ACTN2: variants seen among roughly 807,000 people sequenced by gnomAD.
ACTN2 encodes the protein actinin alpha 2, also known as alpha-actinin-2.
A neutral mutation model predicts 113.8 loss-of-function variants in ACTN2; 39 were observed. That is an observed-to-expected ratio of 0.34 (90% CI 0.27 to 0.45). The LOEUF (loss-of-function observed/expected upper bound fraction) is 0.45, where lower values mean the gene tolerates loss of function less well. ACTN2 is among the 20% of genes least tolerant of loss of function. The pLI is 1.00. For missense variants in ACTN2, 992 were observed against 1,177.9 expected (o/e 0.84, Z 2.31); for synonymous variants, 429 against 444.1 (o/e 0.97, Z 0.43).
intron 10 of ACTN2, among the ~76,000 whole-genome samples, chr1:236,742,226 A>G (rs1464692744): frequency 6.6e-6 from 1 of 152,114 alleles, no homozygotes; most frequent in African/African-American, 2.4e-5. Flanking sequence ...GCTTTCCGAA[A>G]TGAACTTGCT....
intron 1 of ACTN2, among the ~76,000 whole-genome samples, chr1:236,710,236 T>C (rs1390003763): frequency 1.3e-5 from 2 of 152,236 alleles, no homozygotes; most frequent in African/African-American, 4.8e-5. Flanking sequence ...AGACTTTTCC[T>C]ACCCTTACCT....
intron 4 of ACTN2, among the ~76,000 whole-genome samples, chr1:236,720,866 A>G (rs571478337): frequency 1.3e-5 from 2 of 152,202 alleles, no homozygotes; most frequent in South Asian, 4.2e-4. Context: ...GTATAACTGC[A>G]GAATGTGTTT....
chr1:236,750,320 G>A (rs1558246641), intron 14 of ACTN2, among the ~76,000 whole-genome samples: 1 of 152,192 alleles, frequency 6.6e-6, no homozygotes. Flanking sequence ...GTCTAGAAGG[G>A]TTTGCACCTG....
chr1:236,716,967 T>C (rs1278748742), intron 1 of ACTN2, among the ~76,000 whole-genome samples: 1 of 151,732 alleles, frequency 6.6e-6, no homozygotes, highest in East Asian at 2.0e-4. Context: ...CTTGAGTAGC[T>C]GGGACTACAG....
chr1:236,755,452 A>G (rs1002451284), intron 17 of ACTN2, among the ~76,000 whole-genome samples: 1 of 152,200 alleles, frequency 6.6e-6, no homozygotes, highest in Non-Finnish European at 1.5e-5. Context: ...CACTTCTTCA[A>G]GGTGAGTGCC....
chr1:236,758,910 C>T (rs893629149), intron 18 of ACTN2, among the ~76,000 whole-genome samples: 4 of 152,146 alleles, frequency 2.6e-5, no homozygotes, highest in Non-Finnish European at 5.9e-5. Flanking sequence ...CGTGAGCCAC[C>T]ACGACTAGCT....
Position 236,739,502 on chromosome 1 carries a change from C to T in ACTN2, c.1077C>T (p.Ala359=), listed in dbSNP as rs1196287282. The change falls in exon 10 of 21, where the codon GCC becomes GCT. Residue 359 remains alanine, a synonymous_variant. Transcript: ENST00000366578. ...AGCTGCGGATCAGCAACCGTCCTGC[C>T]TTCATGCCCTCCGAGGGCAAGATGG... ...QTKLRISNRP[A]FMPSEGKMVS... 3 of 1,614,142 alleles carry T rather than the reference C, an allele frequency of 1.9e-6. No individual in the cohort carries two copies. Among genetic ancestry groups the T allele is most frequent in the South Asian group, 1.1e-5 (1 of 91,070 alleles).
chr1:236,706,837 G>A (rs1388082592), intron 1 of ACTN2, among the ~76,000 whole-genome samples: 1 of 152,224 alleles, frequency 6.6e-6, no homozygotes, highest in Non-Finnish European at 1.5e-5. Context: ...CAAGCTCTGT[G>A]TGTGCGAATG....
At chr1:236,697,760 C>CTTTTTT (rs750251378) in intron 1 of ACTN2, among the ~76,000 whole-genome samples, 1 of 125,034 alleles carries the variant, frequency 8.0e-6, no homozygotes, top group African/African-American at 3.0e-5. Flanking sequence ...GAAACAAGTT[C>CTTTTTT]TTTTTTTTTT....
chr1:236,686,948 C>T (rs1265486623), intron 1 of ACTN2, 149 bp downstream of exon 1: 4 of 916,236 alleles, frequency 4.4e-6, no homozygotes, highest in East Asian at 7.5e-5. Flanking sequence ...CCCGGGGGCC[C>T]CTTAGGAAAG....
intron 4 of ACTN2, among the ~76,000 whole-genome samples, chr1:236,722,696 G>A (rs1276102333): frequency 6.6e-6 from 1 of 151,876 alleles, no homozygotes; most frequent in Non-Finnish European, 1.5e-5. Flanking sequence ...TGAAGGCAGT[G>A]CAGATGTAAG....
rs1428788821 is a variant in ACTN2, at chr1:236,737,315, A to ATATATATATATATATT, written c.876+104_876+105insATATATATATATTTAT. ...CGTGGGGGCATATATATATATATAT[A>ATATATATATATATATT]TATTTTGCATTTTTCATCTCAGATA... is the stretch of plus-strand genomic sequence containing the variant. On this transcript the variant is annotated intron_variant, in intron 9 of 20. Transcript: ENST00000366578. 11 of 294,998 alleles carry ATATATATATATATATT rather than the reference A, an allele frequency of 3.7e-5. 3 individuals carry two copies. In the South Asian group the frequency reaches 3.8e-4, roughly 10 times the overall value. The allele number at this position is 294,998 out of a possible 1,614,324, so 18.3% of individuals were successfully genotyped here.
At chr1:236,691,717 C>T (rs373166364) in intron 1 of ACTN2, among the ~76,000 whole-genome samples, 3 of 152,240 alleles carry the variant, frequency 2.0e-5, no homozygotes, top group African/African-American at 7.2e-5. Context: ...TTTTACATCC[C>T]TTCACTCACC....
intron 1 of ACTN2, among the ~76,000 whole-genome samples, chr1:236,687,941 G>A (rs569425339): frequency 2.0e-5 from 3 of 152,280 alleles, no homozygotes; most frequent in East Asian, 3.9e-4. Context: ...TTATTTTAAA[G>A]CTCTAATTTA....
At chr1:236,706,420 A>C (rs1657825803) in intron 1 of ACTN2, among the ~76,000 whole-genome samples, 2 of 152,056 alleles carry the variant, frequency 1.3e-5, no homozygotes, top group Admixed American at 1.3e-4. Context: ...CATTTCTTAG[A>C]ATGTTCAAAT....
chr1:236,745,600 G>C (rs181602004), intron 12 of ACTN2, among the ~76,000 whole-genome samples: 1 of 152,306 alleles, frequency 6.6e-6, no homozygotes, highest in South Asian at 2.1e-4. Flanking sequence ...GCCTAGGCTG[G>C]ATTTGGCACG....
intron 1 of ACTN2, among the ~76,000 whole-genome samples, chr1:236,700,112 T>C (rs1451164747): frequency 2.0e-5 from 3 of 152,226 alleles, no homozygotes; most frequent in Non-Finnish European, 4.4e-5. Context: ...TCATTTTCTA[T>C]GCCTAAAAAT....
chr1:236,721,578 A>G (rs1174702708), intron 4 of ACTN2, among the ~76,000 whole-genome samples: 1 of 152,242 alleles, frequency 6.6e-6, no homozygotes, highest in East Asian at 1.9e-4. Context: ...AAACTTTTGT[A>G]CAATATAGTT....
chr1:236,742,980 C>T lies in ACTN2; in HGVS notation c.1192C>T (p.Arg398Cys), dbSNP rs148189507. The change falls in exon 11 of 21, where the codon CGC (arginine) becomes TGC (cysteine). Residue 398 changes from arginine (R) to cysteine (C), a missense_variant. Transcript: ENST00000366578. ...WLLNEIRRLE[R>C]LEHLAEKFRQ... ...GCTCAATGAGATTCGGAGACTGGAGCGCTTGGAACACCTGGCTGAGAAGTT... is the reference window on the plus strand; with the variant it reads ...GCTCAATGAGATTCGGAGACTGGAGTGCTTGGAACACCTGGCTGAGAAGTT... The T allele has an allele frequency of 2.3e-5, 37 of 1,614,080 alleles. No homozygotes were observed. In the African/African-American group the frequency reaches 2.8e-4, roughly 12 times the overall value.
Sources: gnomAD v4.1 joint callset for allele counts (sites outside exome capture counted in the v4.1 genomes callset) on GRCh38, gnomAD v4.1.1 for gene constraint, MANE v1.5 for transcripts, NCBI Gene and HGNC (gene_info 2026-07-23, HGNC 2026-07-21) for gene names.